AFF1: variants seen among roughly 807,000 people sequenced by gnomAD.
The protein encoded by AFF1 is AF4/FMR2 family member 1.
In AFF1, 48 loss-of-function variants were observed where a neutral mutation model predicts 121.7. The observed-to-expected ratio is 0.39, with a 90% CI of 0.31 to 0.50. AFF1 has a LOEUF of 0.50. AFF1 is among the 20% of genes least tolerant of loss of function. The probability of loss-of-function intolerance (pLI) is 0.76; values close to 1 mark genes in which losing one functional copy is unlikely to be tolerated. For synonymous variants in AFF1, 613 were observed against 563.0 expected, an observed-to-expected ratio of 1.09 and a Z score of -1.26; for missense variants, 1,523 against 1,511.7, an observed-to-expected ratio of 1.01 and a Z score of -0.12.
chr4:87,011,147 C>T (rs974366689), intron 2 of AFF1, among the ~76,000 whole-genome samples: 49 of 151,786 alleles, frequency 3.2e-4, no homozygotes, highest in Admixed American at 2.6e-4. Flanking sequence ...CCCTTCTCCA[C>T]CCTGGGGCAG....
At chr4:86,938,365 G>A (rs988671898) in intron 1 of AFF1, among the ~76,000 whole-genome samples, 3 of 150,364 alleles carry the variant, frequency 2.0e-5, no homozygotes, top group Non-Finnish European at 2.9e-5. Flanking sequence ...CAGGAAAGTC[G>A]CTTGAACCCA....
intron 19 of AFF1, among the ~76,000 whole-genome samples, chr4:87,133,145 A>G (rs1728989376): frequency 6.6e-6 from 1 of 152,248 alleles, no homozygotes; most frequent in Non-Finnish European, 1.5e-5. Context: ...CATATGCCAC[A>G]CCAGCAATAC....
chr4:86,984,546 A>T (rs1407526517), intron 2 of AFF1, among the ~76,000 whole-genome samples: 2 of 151,710 alleles, frequency 1.3e-5, no homozygotes, highest in Admixed American at 6.6e-5. Flanking sequence ...CTAGTCTCGA[A>T]CTCTGAGCTC....
At chr4:87,017,270 T>C (rs1399232562) in intron 2 of AFF1, among the ~76,000 whole-genome samples, 1 of 152,180 alleles carries the variant, frequency 6.6e-6, no homozygotes, top group African/African-American at 2.4e-5. Flanking sequence ...TTGTTTGCTA[T>C]CTTCATAGTT....
rs146934661 is a variant in AFF1 at position 86,936,121 on chromosome 4, A to G, written c.-37+881A>G. 51 of 152,230 alleles carry G rather than the reference A, an allele frequency of 3.4e-4. 1 individual carries two copies. In the East Asian group the frequency reaches 9.7e-3, roughly 29 times the overall value. 9.4% of individuals were successfully genotyped at this position (152,230 alleles called of 1,614,324 possible). On this transcript the variant is annotated intron_variant, in intron 1 of 20. Coordinates refer to ENST00000395146, the MANE Select transcript of AFF1 (RefSeq NM_001166693.3). ...AAATTGTTATGCAGATCATCCCGGG[A>G]AGGCACTTGGCTTTGGAGGTGGAGA...
Position 87,108,248 on chromosome 4 carries a change from A to T in AFF1, c.1466A>T (p.Asp489Val). The T allele has an allele frequency of 6.2e-7, 1 of 1,614,074 alleles. No homozygotes were observed. The highest frequency in any genetic ancestry group is 8.5e-7 in the Non-Finnish European group (1 of 1,179,994). ...ACCAGTGACTCAGACAGTTCCTCAGACTCAGAGAGCGAGAGCAGTTCAAGT... is the reference window on the plus strand; with the variant it reads ...ACCAGTGACTCAGACAGTTCCTCAGTCTCAGAGAGCGAGAGCAGTTCAAGT... Reference protein sequence around the residue: ...ESTSDSDSSSDSESESSSSDS... With the variant: ...ESTSDSDSSSVSESESSSSDS... The change falls in exon 11 of 21, where the codon GAC (aspartate) becomes GTC (valine). Residue 489 changes from aspartate (D) to valine (V), a missense_variant. Physicochemically the swap from Asp to Val is radical, Grantham distance 152. This residue lies in a region of AFF1 where 905 missense variants were observed against 842.5 expected (regional missense o/e 1.07). Coordinates refer to ENST00000395146, the MANE Select transcript of AFF1 (RefSeq NM_001166693.3).
At chr4:87,101,067 A>G (rs342455) in intron 8 of AFF1, among the ~76,000 whole-genome samples, 144,700 of 152,258 alleles carry the variant, frequency 0.95, 68,888 homozygotes, top group East Asian at 1. Flanking sequence ...AAAGTTTCCC[A>G]TGAACTTGAA....
At chr4:87,095,050 T>A in intron 8 of AFF1, 81 bp downstream of exon 8, 1 of 1,338,952 alleles carries the variant, frequency 7.5e-7, no homozygotes, top group Non-Finnish European at 1.1e-6. Context: ...CTTAGATTTT[T>A]CTGCCTTTAT....
At position 86,978,331 on chromosome 4, in the gene AFF1, G is replaced by A. The variant is rs1293412819; in HGVS notation, c.38+29760G>A. 4.0e-5 allele frequency among the ~76,000 whole-genome samples: 6 copies of A among 151,280 alleles called. No individual in the cohort carries two copies. In the South Asian group the frequency reaches 8.4e-4, roughly 21 times the overall value. ...CCCGAAGAGCTGGGACTACAGACGC[G>A]TGCCACCATGCCCAGCTGATTTTTG... On this transcript the variant is annotated intron_variant, in intron 2 of 20. Coordinates refer to ENST00000395146, the MANE Select transcript of AFF1 (RefSeq NM_001166693.3).
At chr4:87,018,447 C>A (rs1033269607) in intron 2 of AFF1, among the ~76,000 whole-genome samples, 15 of 152,200 alleles carry the variant, frequency 9.9e-5, no homozygotes, top group Non-Finnish European at 1.5e-4. Context: ...AGAGAAAGAG[C>A]AAGCCATGAC....
intron 2 of AFF1, among the ~76,000 whole-genome samples, chr4:86,994,411 G>A (rs1724956956): frequency 6.6e-6 from 1 of 152,208 alleles, no homozygotes; most frequent in Admixed American, 6.5e-5. Context: ...TGCTCCATTT[G>A]TGGATCTGGA....
intron 2 of AFF1, among the ~76,000 whole-genome samples, chr4:86,965,073 C>T (rs1223151852): frequency 6.6e-6 from 1 of 152,164 alleles, no homozygotes; most frequent in Non-Finnish European, 1.5e-5. Context: ...TTTGACCTTT[C>T]TTAGAAAAAC....
At chr4:87,042,663 G>T (rs1298689926) in intron 2 of AFF1, among the ~76,000 whole-genome samples, 1 of 152,166 alleles carries the variant, frequency 6.6e-6, no homozygotes, top group African/African-American at 2.4e-5. Context: ...CATGTCTGCC[G>T]ATAAAATCTT....
At chr4:87,110,861 A>C (rs1400969425) in intron 11 of AFF1, among the ~76,000 whole-genome samples, 1 of 152,016 alleles carries the variant, frequency 6.6e-6, no homozygotes, top group Non-Finnish European at 1.5e-5. Flanking sequence ...CAGCACTGGG[A>C]GGGCAGATTG....
intron 2 of AFF1, among the ~76,000 whole-genome samples, chr4:87,006,572 GC>G (rs1726139033): frequency 6.6e-6 from 1 of 152,216 alleles, no homozygotes; most frequent in African/African-American, 2.4e-5. Flanking sequence ...CACCAAGTAT[GC>G]CCGTTTCTTG....
intron 2 of AFF1, among the ~76,000 whole-genome samples, chr4:87,000,717 CTGAT>C (rs760241526): frequency 4.7e-4 from 71 of 151,160 alleles, no homozygotes; most frequent in Non-Finnish European, 7.4e-4. Context: ...GCTAATATCC[CTGAT>C]TGATCAGGGT....
intron 11 of AFF1, among the ~76,000 whole-genome samples, chr4:87,112,334 C>T (rs990123905): frequency 4.6e-5 from 7 of 152,182 alleles, no homozygotes; most frequent in Non-Finnish European, 1.0e-4. Context: ...TTCCCTCCCT[C>T]TCTGCCCTTA....
At chr4:86,936,617 C>T (rs1178270362) in intron 1 of AFF1, 3 of 152,188 alleles carry the variant, frequency 2.0e-5, no homozygotes, top group South Asian at 2.1e-4. Context: ...AGGCATGGCC[C>T]TGTTTCAGTG....
At chr4:86,946,905 G>A (rs1211497941) in intron 1 of AFF1, among the ~76,000 whole-genome samples, 3 of 152,056 alleles carry the variant, frequency 2.0e-5, no homozygotes, top group African/African-American at 7.2e-5. Flanking sequence ...TCACTGGGAG[G>A]GTAATGTGGG....
Sources: gnomAD v4.1 joint callset for allele counts (sites outside exome capture counted in the v4.1 genomes callset) on GRCh38, gnomAD v4.1.1 for gene constraint, gnomAD v4.1.1 regional missense constraint, MANE v1.5 for transcripts, NCBI Gene and HGNC (gene_info 2026-07-23, HGNC 2026-07-21) for gene names.